The following SLC5A12 variants were observed in gnomAD, a reference collection of about 807,000 sequenced individuals.
SLC5A12 encodes the protein solute carrier family 5 member 12.
A neutral mutation model predicts 72.7 loss-of-function variants in SLC5A12; 46 were observed. The ratio of observed to expected loss-of-function variants is 0.63; its 90% CI spans 0.50 to 0.81. The LOEUF (loss-of-function observed/expected upper bound fraction) is 0.81. Ranked by LOEUF, SLC5A12 falls within the 30% of genes least tolerant of loss-of-function variation. The pLI is 0.00. For missense variants in SLC5A12, 683 were observed against 740.7 expected (o/e 0.92, Z 0.90); for synonymous variants, 275 against 264.4 (o/e 1.04, Z -0.39).
intron 10 of SLC5A12, 67 bp from the exon 11 acceptor site, chr11:26,683,910 C>T: frequency 1.6e-6 from 2 of 1,269,750 alleles, no homozygotes; most frequent in Non-Finnish European, 2.2e-6. Flanking sequence ...TGGCATCATA[C>T]CTCTCTTGGA....
intron 7 of SLC5A12, among the ~76,000 whole-genome samples, chr11:26,698,100 G>A (rs1035027769): frequency 6.6e-6 from 1 of 151,894 alleles, no homozygotes; most frequent in African/African-American, 2.4e-5. Flanking sequence ...ATTTTGCCGT[G>A]TTGGCCAGAC....
chr11:26,695,452 C>A (rs2133177942), intron 8 of SLC5A12, among the ~76,000 whole-genome samples: 1 of 152,086 alleles, frequency 6.6e-6, no homozygotes, highest in Non-Finnish European at 1.5e-5. Flanking sequence ...TTTACTAAAA[C>A]CATAAGTATA....
intron 6 of SLC5A12, among the ~76,000 whole-genome samples, chr11:26,701,103 C>A (rs1325892040): frequency 6.6e-6 from 1 of 152,046 alleles, no homozygotes; most frequent in Non-Finnish European, 1.5e-5. Context: ...TCCAGATGCC[C>A]CTGAGTGCCC....
chr11:26,723,058 C>T (rs1855509819), upstream of SLC5A12, among the ~76,000 whole-genome samples: 1 of 151,684 alleles, frequency 6.6e-6, no homozygotes, highest in Admixed American at 6.6e-5. Context: ...AAGACAGAAG[C>T]AAAGCTCTAG....
chr11:26,718,700 G>GCTGGTCT (rs1855410361), intron 1 of SLC5A12, among the ~76,000 whole-genome samples: 1 of 151,584 alleles, frequency 6.6e-6, no homozygotes. Context: ...TGTTGGCCAG[G>GCTGGTCT]CTGGTCTCGA....
chr11:26,687,024 T>G (rs1854552935), intron 9 of SLC5A12, among the ~76,000 whole-genome samples: 1 of 152,194 alleles, frequency 6.6e-6, no homozygotes, highest in African/African-American at 2.4e-5. Context: ...TCTGGAAAGT[T>G]TTTCAGATTT....
intron 11 of SLC5A12, 76 bp from the exon 12 acceptor site, chr11:26,681,297 T>C (rs1854407643): frequency 5.0e-6 from 6 of 1,192,222 alleles, no homozygotes; most frequent in Admixed American, 3.0e-5. Flanking sequence ...TGAGGAGTTC[T>C]ATGCCTTAGA....
intron 3 of SLC5A12, among the ~76,000 whole-genome samples, chr11:26,710,995 C>T (rs1311725746): frequency 6.6e-6 from 1 of 151,982 alleles, no homozygotes; most frequent in African/African-American, 2.4e-5. Flanking sequence ...GATGACCATA[C>T]TTAGCAACAT....
At position 26,701,877 on chromosome 11, in the gene SLC5A12, G is replaced by A. The variant is rs116799523; in HGVS notation, c.821+1654C>T. 8.8e-3 allele frequency among the ~76,000 whole-genome samples: 1,338 copies of A among 152,146 alleles called. 22 individuals carry two copies. The highest frequency in any genetic ancestry group is 0.03 in the African/African-American group (1,259 of 41,498). ...CGAGGCATTACTTTGTTTAATAAGC[G>A]ATAAACGTTTAGTAAGCACAAAGCA... On this transcript the variant is annotated intron_variant, in intron 6 of 14. Transcript: ENST00000396005.
At chr11:26,699,966 G>A (rs78294596) in intron 6 of SLC5A12, among the ~76,000 whole-genome samples, 153 of 152,158 alleles carry the variant, frequency 1.0e-3, no homozygotes, top group Middle Eastern at 3.4e-3. Flanking sequence ...CTACATAACT[G>A]CATTTTTTAC....
chr11:26,689,893 T>A (rs778811409), intron 9 of SLC5A12, among the ~76,000 whole-genome samples: 1 of 152,136 alleles, frequency 6.6e-6, no homozygotes, highest in African/African-American at 2.4e-5. Flanking sequence ...GAGATCACAA[T>A]AAAGTTTTAA....
At chr11:26,722,866 C>A (rs1365696150), upstream of SLC5A12, among the ~76,000 whole-genome samples, 1 of 150,652 alleles carries the variant, frequency 6.6e-6, no homozygotes, top group East Asian at 1.9e-4. Context: ...CTTGTGTATT[C>A]TACAAGATCT....
intron 2 of SLC5A12, among the ~76,000 whole-genome samples, chr11:26,711,798 T>C (rs558197039): frequency 6.6e-6 from 1 of 152,194 alleles, no homozygotes; most frequent in Non-Finnish European, 1.5e-5. Flanking sequence ...AGAAAGAATC[T>C]GTGAGGAGAA....
chr11:26,674,198 T>C (rs986377867), intron 13 of SLC5A12, among the ~76,000 whole-genome samples: 1 of 152,092 alleles, frequency 6.6e-6, no homozygotes, highest in Non-Finnish European at 1.5e-5. Flanking sequence ...TTTTAAGTCA[T>C]AAAGACTATT....
intron 6 of SLC5A12, among the ~76,000 whole-genome samples, chr11:26,700,420 A>G (rs778547866): frequency 3.9e-5 from 6 of 152,102 alleles, no homozygotes; most frequent in Non-Finnish European, 8.8e-5. Context: ...GCCCTCTTCT[A>G]GGTATTGTAG....
intron 14 of SLC5A12, among the ~76,000 whole-genome samples, chr11:26,671,901 T>A (rs1854152725): frequency 6.6e-6 from 1 of 152,190 alleles, no homozygotes; most frequent in East Asian, 1.9e-4. Context: ...ACCAGCTGCC[T>A]TCTCAGCAAA....
chr11:26,699,371 C>T lies in SLC5A12; in HGVS notation c.822-836G>A, dbSNP rs992284711. 2.6e-5 allele frequency among the ~76,000 whole-genome samples: 4 copies of T among 152,300 alleles called. No individual in the cohort carries two copies. The South Asian group carries it at 6.2e-4, about 24-fold the overall frequency. ...GGAATCATATTTAAATGTAAAGACA[C>T]ACGTTTATTTCAAAATCCTCTAAAA... On this transcript the variant is annotated intron_variant, in intron 6 of 14. Transcript: ENST00000396005.
chr11:26,695,011 C>T (rs1355318634), intron 8 of SLC5A12, among the ~76,000 whole-genome samples: 1 of 151,680 alleles, frequency 6.6e-6, no homozygotes, highest in Non-Finnish European at 1.5e-5. Flanking sequence ...CATAGAAATG[C>T]ATCTATTAAA....
At chr11:26,684,015 A>C (rs76810325) in intron 10 of SLC5A12, among the ~76,000 whole-genome samples, 172 bp from the exon 11 acceptor site, 1,634 of 143,370 alleles carry the variant, frequency 0.011, 28 homozygotes, top group African/African-American at 0.039. Flanking sequence ...AATGATAAGC[A>C]CTGTATTTAT....
Sources: gnomAD v4.1 joint callset for allele counts (sites outside exome capture counted in the v4.1 genomes callset) on GRCh38, gnomAD v4.1.1 for gene constraint, MANE v1.5 for transcripts, NCBI Gene and HGNC (gene_info 2026-07-23, HGNC 2026-07-21) for gene names.